GALNT14: variants seen among roughly 807,000 people sequenced by gnomAD.
GALNT14 encodes the protein polypeptide N-acetylgalactosaminyltransferase 14.
GALNT14 carries 60 observed loss-of-function variants against 77.5 expected under a neutral mutation model. The observed-to-expected ratio is 0.77, with a 90% CI of 0.63 to 0.96. The LOEUF (loss-of-function observed/expected upper bound fraction) is 0.96, where lower values mean the gene tolerates loss of function less well. Ranked by LOEUF, GALNT14 falls within the 40% of genes least tolerant of loss-of-function variation. The probability of loss-of-function intolerance (pLI) is 0.00; values close to 1 mark genes in which losing one functional copy is unlikely to be tolerated. For missense variants in GALNT14, 710 were observed against 731.0 expected (o/e 0.97, Z 0.33); for synonymous variants, 280 against 281.7 (o/e 0.99, Z 0.06).
intron 1 of GALNT14, among the ~76,000 whole-genome samples, chr2:31,030,922 G>T (rs1192589686): frequency 6.6e-6 from 1 of 152,122 alleles, no homozygotes; most frequent in African/African-American, 2.4e-5. Flanking sequence ...TGTGTATTTT[G>T]CATTCACTGG....
chr2:31,034,969 G>T (rs1024895659), intron 1 of GALNT14, among the ~76,000 whole-genome samples: 1 of 152,172 alleles, frequency 6.6e-6, no homozygotes, highest in Admixed American at 6.5e-5. Context: ...TACTTTGTAT[G>T]ATTTCAATCC....
rs1665596562 is a variant in GALNT14, at chr2:30,929,466, T to C, written c.1080A>G (p.Glu360=). The change falls in exon 11 of 15, where the codon GAA becomes GAG. Residue 360 remains glutamate, a synonymous_variant. Coordinates refer to ENST00000349752, the MANE Select transcript of GALNT14 (RefSeq NM_024572.4). ...TYIKNTKRTA[E]VWMDEYKQYY... is the part of the protein sequence containing the mutation. ...ATTGCTTGTATTCATCCATCCACAC[T>C]TCAGCTGTCCGCTTGGTGTTCCTGG... is the stretch of plus-strand genomic sequence containing the variant. The C allele has an allele frequency of 6.2e-7, 1 of 1,613,974 alleles. No homozygotes were observed. The highest frequency in any genetic ancestry group is 1.3e-5 in the African/African-American group (1 of 74,944).
chr2:31,127,386 T>C (rs1158647095), intron 1 of GALNT14, among the ~76,000 whole-genome samples: 1 of 152,228 alleles, frequency 6.6e-6, no homozygotes, highest in East Asian at 1.9e-4. Context: ...AAAAGAAGAA[T>C]ACTTCATGCG....
intron 1 of GALNT14, among the ~76,000 whole-genome samples, chr2:31,055,085 A>G (rs551570145): frequency 6.6e-6 from 1 of 152,328 alleles, no homozygotes; most frequent in East Asian, 1.9e-4. Context: ...AGGCCATAAA[A>G]ATATTGCTCA....
intron 1 of GALNT14, among the ~76,000 whole-genome samples, chr2:31,111,632 G>T (rs993737307): frequency 2.6e-5 from 4 of 152,134 alleles, no homozygotes; most frequent in Admixed American, 6.5e-5. Flanking sequence ...ACCCTTATAG[G>T]GAGTCCTGGC....
At chr2:31,069,190 A>C (rs553452884) in intron 1 of GALNT14, among the ~76,000 whole-genome samples, 2 of 152,358 alleles carry the variant, frequency 1.3e-5, no homozygotes, top group South Asian at 4.1e-4. Flanking sequence ...AAAAATAAAA[A>C]GATGGGATCG....
intron 1 of GALNT14, among the ~76,000 whole-genome samples, chr2:31,137,193 G>A (rs1339936012): frequency 6.6e-6 from 1 of 152,160 alleles, no homozygotes; most frequent in Non-Finnish European, 1.5e-5. Flanking sequence ...GTGAACCTTC[G>A]GAGAGCCATG....
intron 1 of GALNT14, among the ~76,000 whole-genome samples, chr2:31,079,851 T>C (rs1676049783): frequency 6.6e-6 from 1 of 152,144 alleles, no homozygotes; most frequent in South Asian, 2.1e-4. Context: ...CTACTGTGGC[T>C]ACTCCCTCTG....
At chr2:31,038,084 ATTTTTTTTTTTTTTT>A (rs1196402402) in intron 1 of GALNT14, among the ~76,000 whole-genome samples, 15 of 52,666 alleles carry the variant, frequency 2.8e-4, no homozygotes, top group African/African-American at 1.4e-3. Context: ...ATATATATAT[ATTTTTTTTTTTTTTT>A]TTTTTTTTTT....
chr2:30,941,751 A>G (rs902624975), intron 9 of GALNT14, among the ~76,000 whole-genome samples: 1 of 152,234 alleles, frequency 6.6e-6, no homozygotes, highest in Non-Finnish European at 1.5e-5. Flanking sequence ...AGAAGCCAAC[A>G]GACTTTAATG....
At chr2:30,904,492 G>A in the GALNT14 span, among the ~76,000 whole-genome samples, 11 of 152,332 alleles carry the variant, frequency 7.2e-5, no homozygotes, top group South Asian at 4.1e-4. Context: ...CGAATACTGC[G>A]CTTTTCCGAC....
chr2:31,045,172 G>A (rs189231685), intron 1 of GALNT14, among the ~76,000 whole-genome samples: 31 of 152,192 alleles, frequency 2.0e-4, no homozygotes, highest in African/African-American at 6.7e-4. Context: ...CATGATCTGG[G>A]GCGTTCAGGA....
chr2:31,111,000 A>G (rs1437577286), intron 1 of GALNT14, among the ~76,000 whole-genome samples: 2 of 152,206 alleles, frequency 1.3e-5, no homozygotes, highest in Non-Finnish European at 2.9e-5. Flanking sequence ...CCCCACTTGT[A>G]AGACAGAGTT....
chr2:31,107,921 G>T (rs1159862023), intron 1 of GALNT14, among the ~76,000 whole-genome samples: 1 of 152,110 alleles, frequency 6.6e-6, no homozygotes, highest in Non-Finnish European at 1.5e-5. Flanking sequence ...AAAAACAGCT[G>T]ATTCTTTAGG....
intron 1 of GALNT14, among the ~76,000 whole-genome samples, chr2:31,037,071 G>A (rs1190342812): frequency 6.6e-6 from 1 of 152,096 alleles, no homozygotes; most frequent in African/African-American, 2.4e-5. Context: ...CTTCAAGCAT[G>A]TTCTCCCTCC....
At chr2:31,048,858 C>T (rs2148514803) in intron 1 of GALNT14, among the ~76,000 whole-genome samples, 1 of 152,228 alleles carries the variant, frequency 6.6e-6, no homozygotes, top group East Asian at 1.9e-4. Flanking sequence ...AGGAACTGAA[C>T]TTGACTTCCC....
chr2:30,920,630 TACACACACACAC>T (rs140659655), intron 13 of GALNT14, among the ~76,000 whole-genome samples: 1,538 of 145,196 alleles, frequency 0.011, 29 homozygotes, highest in African/African-American at 0.037. Context: ...GAGTGTATGC[TACACACACACAC>T]ACACACACAC....
At position 31,131,023 on chromosome 2, in the gene GALNT14, T is replaced by C. The variant is rs75312469; in HGVS notation, c.129+6935A>G. ...TTATTCATAACTAACCTGAAAAGAC[T>C]CAGACTGCTGGTAAGCAAGTGGGGG... On this transcript the variant is annotated intron_variant, in intron 1 of 14. Transcript: ENST00000349752. Among the ~76,000 whole-genome samples the C allele has an allele frequency of 3.2e-4, 49 of 152,270 alleles. No homozygotes were observed. The East Asian group carries it at 9.1e-3, about 28-fold the overall frequency.
intron 1 of GALNT14, among the ~76,000 whole-genome samples, chr2:31,065,798 G>A (rs1460926536): frequency 1.8e-4 from 27 of 152,316 alleles, no homozygotes. Context: ...CCGGGTGTCT[G>A]AGGAGAATGA....
Sources: gnomAD v4.1 joint callset for allele counts (sites outside exome capture counted in the v4.1 genomes callset) on GRCh38, gnomAD v4.1.1 for gene constraint, MANE v1.5 for transcripts, NCBI Gene and HGNC (gene_info 2026-07-23, HGNC 2026-07-21) for gene names.